The following UBE2K variants were observed in gnomAD, a reference collection of about 807,000 sequenced individuals.
UBE2K encodes the protein ubiquitin conjugating enzyme E2 K, also known as ubiquitin-conjugating enzyme E2 K.
UBE2K carries 6 observed loss-of-function variants against 30.0 expected under a neutral mutation model. The observed-to-expected ratio is 0.20, with a 90% CI of 0.11 to 0.39. UBE2K has a LOEUF of 0.39. Among genes scored for constraint, UBE2K ranks in the 10% least tolerant of loss-of-function variants. UBE2K has a pLI of 1.00. For missense variants in UBE2K, 61 were observed against 241.6 expected (o/e 0.25, Z 4.96); for synonymous variants, 86 against 83.7 (o/e 1.03, Z -0.15).
chr4:39,709,104 G>A (rs1472226629), intron 1 of UBE2K, among the ~76,000 whole-genome samples: 2 of 151,800 alleles, frequency 1.3e-5, no homozygotes, highest in South Asian at 4.2e-4. Context: ...TCTGTATCTC[G>A]ATTTTTTTAA....
intron 1 of UBE2K, among the ~76,000 whole-genome samples, chr4:39,701,802 C>G (rs1321450923): frequency 6.6e-6 from 1 of 151,710 alleles, no homozygotes; most frequent in African/African-American, 2.4e-5. Flanking sequence ...GCTGTCTCGC[C>G]CAGACTGGAG....
intron 1 of UBE2K, among the ~76,000 whole-genome samples, chr4:39,729,636 A>G (rs1176178462): frequency 1.3e-5 from 2 of 150,836 alleles, no homozygotes. Context: ...ATTTCCCCCT[A>G]CTCCAGCCAG....
chr4:39,719,020 AG>A (rs1719273639), intron 1 of UBE2K, among the ~76,000 whole-genome samples: 1 of 152,254 alleles, frequency 6.6e-6, no homozygotes, highest in Non-Finnish European at 1.5e-5. Context: ...GGAGGCACCA[AG>A]AGTGAGCAAG....
intron 6 of UBE2K, among the ~76,000 whole-genome samples, chr4:39,778,046 G>A (rs1452406656): frequency 2.3e-5 from 3 of 129,626 alleles, no homozygotes; most frequent in African/African-American, 5.9e-5. Context: ...TGCAGTGAGC[G>A]ATAGTCATGC....
chr4:39,776,000 C>T (rs1215830988), intron 5 of UBE2K, among the ~76,000 whole-genome samples: 3 of 152,182 alleles, frequency 2.0e-5, no homozygotes, highest in African/African-American at 7.2e-5. Flanking sequence ...ATGATCATAT[C>T]TGTACTGATG....
chr4:39,733,332 ATTT>A (rs34069872), intron 1 of UBE2K, among the ~76,000 whole-genome samples: 3 of 129,014 alleles, frequency 2.3e-5, no homozygotes, highest in Non-Finnish European at 3.2e-5. Context: ...TCGGGCTTTA[ATTT>A]TTTTTTTTTT....
intron 4 of UBE2K, among the ~76,000 whole-genome samples, chr4:39,764,553 C>T (rs997418336): frequency 1.3e-5 from 2 of 151,858 alleles, no homozygotes; most frequent in African/African-American, 4.8e-5. Flanking sequence ...CCCAAGCATT[C>T]TTCCCACCTC....
intron 1 of UBE2K, among the ~76,000 whole-genome samples, chr4:39,734,237 C>T (rs904188220): frequency 2.0e-5 from 3 of 151,730 alleles, no homozygotes; most frequent in Non-Finnish European, 2.9e-5. Flanking sequence ...TCCCAAGTAG[C>T]GGGGACTACA....
intron 4 of UBE2K, 33 bp from the exon 5 acceptor site, chr4:39,774,801 T>C: frequency 7.2e-7 from 1 of 1,393,390 alleles, no homozygotes; most frequent in Non-Finnish European, 9.6e-7. Flanking sequence ...CAGAGCCCTC[T>C]TAATTGGGAT....
At chr4:39,770,549 T>C (rs1222452232) in intron 4 of UBE2K, 38 of 1,595,186 alleles carry the variant, frequency 2.4e-5, no homozygotes, top group Non-Finnish European at 3.1e-5. Flanking sequence ...TGGCCGCCGC[T>C]GCTGCTTCCA....
chr4:39,751,757 G>A (rs1057058365), intron 3 of UBE2K, among the ~76,000 whole-genome samples: 2 of 151,982 alleles, frequency 1.3e-5, no homozygotes, highest in Non-Finnish European at 2.9e-5. Context: ...CGGATCACTG[G>A]GAATTCCAGA....
At chr4:39,769,855 T>TACTCCAAGAACCCTGTCCC (rs1363520390) in intron 4 of UBE2K, among the ~76,000 whole-genome samples, 3 of 152,124 alleles carry the variant, frequency 2.0e-5, no homozygotes, top group African/African-American at 7.2e-5. Flanking sequence ...TCCCCTGGCC[T>TACTCCAAGAACCCTGTCCC]ACTCCAAGAA....
intron 1 of UBE2K, among the ~76,000 whole-genome samples, chr4:39,723,246 A>G (rs1025692979): frequency 1.3e-5 from 2 of 148,318 alleles, no homozygotes; most frequent in African/African-American, 2.5e-5. Flanking sequence ...GGATTTCACT[A>G]TATTGCCCAG....
At chr4:39,744,831 C>T (rs1171588178) in intron 2 of UBE2K, among the ~76,000 whole-genome samples, 7 of 150,116 alleles carry the variant, frequency 4.7e-5, no homozygotes, top group Admixed American at 3.3e-4. Context: ...GGCGTGAACC[C>T]GGGAGGTGGA....
chr4:39,763,106 C>T (rs768894008), intron 4 of UBE2K, among the ~76,000 whole-genome samples: 1 of 150,236 alleles, frequency 6.7e-6, no homozygotes, highest in Non-Finnish European at 1.5e-5. Context: ...CCATGCCCAG[C>T]TAATATTTGT....
chr4:39,731,261 A>G (rs530958202), intron 1 of UBE2K, among the ~76,000 whole-genome samples: 1 of 152,174 alleles, frequency 6.6e-6, no homozygotes, highest in South Asian at 2.1e-4. Context: ...ATTATATTGT[A>G]TTGGATACTG....
At chr4:39,755,777 TGA>T in intron 4 of UBE2K, 38 bp downstream of exon 4, 2 of 1,428,410 alleles carry the variant, frequency 1.4e-6, no homozygotes, top group Non-Finnish European at 1.9e-6. Flanking sequence ...CCTTCTCATA[TGA>T]ATACCAAGAC....
At chr4:39,729,885 C>A (rs2109339250) in intron 1 of UBE2K, among the ~76,000 whole-genome samples, 1 of 152,306 alleles carries the variant, frequency 6.6e-6, no homozygotes. Context: ...AAAGTTAAGT[C>A]TTTTAAAACT....
At chr4:39,762,699 A>G (rs465113) in intron 4 of UBE2K, among the ~76,000 whole-genome samples, 28,345 of 152,212 alleles carry the variant, frequency 0.19, 5,364 homozygotes, top group African/African-American at 0.49. Context: ...CAATGGCACA[A>G]TCTTGGCTCA....
Sources: gnomAD v4.1 joint callset for allele counts (sites outside exome capture counted in the v4.1 genomes callset) on GRCh38, gnomAD v4.1.1 for gene constraint, MANE v1.5 for transcripts, NCBI Gene and HGNC (gene_info 2026-07-23, HGNC 2026-07-21) for gene names.